The following TICRR variants were observed in gnomAD, a reference collection of about 807,000 sequenced individuals.
TICRR encodes treslin.
TICRR carries 132 observed loss-of-function variants against 178.1 expected under a neutral mutation model. The observed-to-expected ratio is 0.74, with a 90% CI of 0.64 to 0.86. The LOEUF (loss-of-function observed/expected upper bound fraction) is 0.86. Among genes scored for constraint, TICRR ranks in the 40% least tolerant of loss-of-function variants. TICRR has a pLI of 0.00. For synonymous variants in TICRR, 991 were observed against 900.7 expected (o/e 1.10, Z -1.79); for missense variants, 2,587 against 2,334.3 (o/e 1.11, Z -2.23).
At chr15:89,615,423 T>A (rs1963319910) in intron 15 of TICRR, among the ~76,000 whole-genome samples, 1 of 152,166 alleles carries the variant, frequency 6.6e-6, no homozygotes, top group Non-Finnish European at 1.5e-5. Flanking sequence ...AAAGCTACCG[T>A]AGGGCTAGGG....
At chr15:89,595,213 A>G (rs1018455089) in intron 6 of TICRR, among the ~76,000 whole-genome samples, 180 bp from the exon 7 acceptor site, 3 of 152,240 alleles carry the variant, frequency 2.0e-5, no homozygotes, top group African/African-American at 7.2e-5. Context: ...GTTAAAAGAA[A>G]GGTTCTCTTT....
intron 8 of TICRR, among the ~76,000 whole-genome samples, chr15:89,599,738 A>G (rs769640286): frequency 1.4e-4 from 21 of 152,216 alleles, no homozygotes; most frequent in Non-Finnish European, 2.2e-4. Flanking sequence ...CATGTGAGCT[A>G]TATGTTAGCT....
At chr15:89,619,114 C>G in intron 17 of TICRR, among the ~76,000 whole-genome samples, 1 of 152,048 alleles carries the variant, frequency 6.6e-6, no homozygotes, top group East Asian at 1.9e-4. Context: ...CAGAAATACT[C>G]TAACATTTTA....
chr15:89,624,813 GTC>G lies in TICRR; in HGVS notation c.4506_4507del (p.His1503ProfsTer21). On this transcript the variant is annotated frameshift_variant, in exon 20 of 22. Coordinates refer to ENST00000268138, the MANE Select transcript of TICRR (RefSeq NM_152259.4). LOFTEE classifies it high-confidence loss of function. ...CAGCAGATGCTGAGAAGTCTTCTCT[GTC>G]TCACCCTGGGATTCCCCCATCTCCT... ...RTADAEKSSL[S>X]HPGIPPSPPS... 6.2e-7 allele frequency: 1 copy of G among 1,614,186 alleles called. No individual in the cohort carries two copies. Among genetic ancestry groups the G allele is most frequent in the Non-Finnish European group, 8.5e-7 (1 of 1,180,024 alleles).
intron 3 of TICRR, 133 bp from the exon 4 acceptor site, chr15:89,585,575 T>C (rs1962806645): frequency 4.4e-6 from 3 of 680,746 alleles, no homozygotes; most frequent in East Asian, 5.5e-5. Flanking sequence ...CTATTAATGA[T>C]CAAATCTATC....
chr15:89,575,941 A>G lies in TICRR; in HGVS notation c.355A>G (p.Thr119Ala). 1 of 1,597,688 alleles carries G rather than the reference A, an allele frequency of 6.3e-7. No individual in the cohort carries two copies. The highest frequency in any genetic ancestry group is 8.5e-7 in the Non-Finnish European group (1 of 1,174,000). Residue 119 changes from threonine (T) to alanine (A), a missense_variant, in exon 1 of 22, where the codon ACG becomes GCG. Coordinates refer to ENST00000268138, the MANE Select transcript of TICRR (RefSeq NM_152259.4). ...CTACCAGTGGGACCGGCCCGAGATC[A>G]CGTCGCCCACGAAGCCGATCCTGCG... ...LDYQWDRPEI[T>A]SPTKPILRSS...
chr15:89,599,537 T>C, intron 8 of TICRR, 62 bp downstream of exon 8: 13 of 1,537,264 alleles, frequency 8.5e-6, no homozygotes, highest in Non-Finnish European at 1.1e-5. Context: ...TGGTTGGTGG[T>C]GGATTTGGTT....
In TICRR at chr15:89,601,745, ACT is replaced by A; in HGVS notation, c.2339_2340del (p.Ser780TyrfsTer31). 2 of 1,613,884 alleles carry A rather than the reference ACT, an allele frequency of 1.2e-6. No individual in the cohort carries two copies. The highest frequency in any genetic ancestry group is 8.5e-7 in the Non-Finnish European group (1 of 1,179,962). On this transcript the variant is annotated frameshift_variant, in exon 12 of 22. Coordinates refer to ENST00000268138, the MANE Select transcript of TICRR (RefSeq NM_152259.4). LOFTEE classifies it high-confidence loss of function. ...ATCAATCTGTTCCACAGGTATATTG[ACT>A]CTATCCCAAAGACACTTGGAAATCT...
At chr15:89,577,081 A>T (rs767285502) in intron 1 of TICRR, among the ~76,000 whole-genome samples, 1 of 151,620 alleles carries the variant, frequency 6.6e-6, no homozygotes, top group African/African-American at 2.4e-5. Flanking sequence ...TTTTCAGTGG[A>T]GACCAGGTTC....
intron 18 of TICRR, among the ~76,000 whole-genome samples, 175 bp from the exon 19 acceptor site, chr15:89,621,218 G>A (rs986470091): frequency 1.3e-5 from 2 of 150,514 alleles, no homozygotes; most frequent in African/African-American, 2.5e-5. Flanking sequence ...ATGGTGTTTC[G>A]CTATGTTGGC....
rs1218759364 is a variant in TICRR at position 89,627,881 on chromosome 15, CT to C, written c.*796del. 1.3e-5 allele frequency: 2 copies of C among 152,940 alleles called. No homozygotes were observed. The highest frequency in any genetic ancestry group is 2.9e-5 in the Non-Finnish European group (2 of 68,670). The allele number at this position is 152,940 out of a possible 1,614,324, so 9.5% of individuals were successfully genotyped here. A position where few individuals can be genotyped will look rare whatever the true frequency, so the allele number is the denominator to read the frequency against. Reference sequence around the variant, plus strand: ...GGTGAGGGCTGACTCTGAACTGTCTCTCAGTCTCCAGAAAGTGTTCAAGCCT... The same window carrying C: ...GGTGAGGGCTGACTCTGAACTGTCTCCAGTCTCCAGAAAGTGTTCAAGCCT... On this transcript the variant is annotated 3_prime_UTR_variant, in exon 22 of 22. Transcript: ENST00000268138.
intron 1 of TICRR, among the ~76,000 whole-genome samples, chr15:89,576,838 TATATATATATATATATATATATAC>T (rs1005707509): frequency 1.4e-5 from 2 of 138,140 alleles, no homozygotes; most frequent in South Asian, 4.5e-4. Flanking sequence ...TATATATATA[TATATATATATATATATATATATAC>T]ACACACACAC....
chr15:89,620,763 C>T (rs1224337924), intron 18 of TICRR, among the ~76,000 whole-genome samples: 1 of 152,102 alleles, frequency 6.6e-6, no homozygotes, highest in African/African-American at 2.4e-5. Flanking sequence ...CACTCTGTTG[C>T]CCAGGCTGGA....
intron 1 of TICRR, 57 bp downstream of exon 1, chr15:89,576,297 GA>G: frequency 6.9e-7 from 1 of 1,455,488 alleles, no homozygotes; most frequent in Non-Finnish European, 9.1e-7. Context: ...TTGCTAACCA[GA>G]ACTTGGCAGC....
chr15:89,615,141 C>T (rs1454485692), intron 15 of TICRR, among the ~76,000 whole-genome samples: 2 of 152,190 alleles, frequency 1.3e-5, no homozygotes, highest in Non-Finnish European at 2.9e-5. Context: ...ATGTTACCAC[C>T]ACCTCAGGCA....
At position 89,575,554 on chromosome 15, in the gene TICRR, G is replaced by T; in HGVS notation, c.-33G>T. On this transcript the variant is annotated 5_prime_UTR_variant, in exon 1 of 22. Coordinates refer to ENST00000268138, the MANE Select transcript of TICRR (RefSeq NM_152259.4). ...GACTAAGGGACGGTGGCGCGGGCCCGGACCGGGGCCCCGGGGCGGCGGCAC... is the reference window on the plus strand; with the variant it reads ...GACTAAGGGACGGTGGCGCGGGCCCTGACCGGGGCCCCGGGGCGGCGGCAC... 2.1e-6 allele frequency: 3 copies of T among 1,448,176 alleles called. No homozygotes were observed. In the South Asian group the frequency reaches 4.4e-5, roughly 21 times the overall value. The allele number at this position is 1,448,176 out of a possible 1,614,324, so 89.7% of individuals were successfully genotyped here.
chr15:89,621,322 G>T, intron 18 of TICRR, 71 bp from the exon 19 acceptor site: 1 of 1,494,648 alleles, frequency 6.7e-7, no homozygotes. Flanking sequence ...TGCGTGGCTG[G>T]CTGTTTTAAT....
chr15:89,595,551 G>A lies in TICRR; in HGVS notation c.1840G>A (p.Gly614Arg), dbSNP rs1962983631. 1 of 1,614,138 alleles carries A rather than the reference G, an allele frequency of 6.2e-7. No individual in the cohort carries two copies. The highest frequency in any genetic ancestry group is 1.1e-5 in the South Asian group (1 of 91,084). Residue 614 changes from glycine (G) to arginine (R), a missense_variant, in exon 7 of 22, where the codon GGG becomes AGG. Coordinates refer to ENST00000268138, the MANE Select transcript of TICRR (RefSeq NM_152259.4). ...GEKGIQKIPSGRTVDKLEDRG... is the reference protein window; with the variant it reads ...GEKGIQKIPSRRTVDKLEDRG... ...GAAAGGAATCCAAAAGATACCTAGT[G>A]GGAGAACAGTGGATAAATTGGAAGA... is the stretch of plus-strand genomic sequence containing the variant.
intron 1 of TICRR, among the ~76,000 whole-genome samples, chr15:89,578,286 G>A (rs948816826): frequency 2.6e-5 from 4 of 152,158 alleles, no homozygotes; most frequent in African/African-American, 7.2e-5. Flanking sequence ...AAATGAGCAA[G>A]CATTTAAATA....
Sources: gnomAD v4.1 joint callset for allele counts (sites outside exome capture counted in the v4.1 genomes callset) on GRCh38, gnomAD v4.1.1 for gene constraint, MANE v1.5 for transcripts, NCBI Gene and HGNC (gene_info 2026-07-23, HGNC 2026-07-21) for gene names.